Variants in INPP4B observed in about 807,000 individuals in gnomAD.
INPP4B encodes the protein inositol polyphosphate-4-phosphatase type II B.
In INPP4B, 55 loss-of-function variants were observed where a neutral mutation model predicts 122.5. That is an observed-to-expected ratio of 0.45 (90% CI 0.36 to 0.56). INPP4B has a LOEUF of 0.56. INPP4B is among the 20% of genes least tolerant of loss of function. INPP4B has a pLI of 0.00. For synonymous variants in INPP4B, 403 were observed against 388.7 expected (o/e 1.04, Z -0.43); for missense variants, 1,000 against 1,097.7 (o/e 0.91, Z 1.26).
chr4:142,330,910 G>A (rs1774216632), intron 7 of INPP4B, among the ~76,000 whole-genome samples: 1 of 152,168 alleles, frequency 6.6e-6, no homozygotes. Context: ...ACTAAGCAAT[G>A]TCCATTCACA....
At chr4:142,405,772 A>G (rs1803200952) in intron 5 of INPP4B, among the ~76,000 whole-genome samples, 1 of 152,102 alleles carries the variant, frequency 6.6e-6, no homozygotes, top group Non-Finnish European at 1.5e-5. Flanking sequence ...GTCCTTACCT[A>G]TGTATTCACT....
In INPP4B at chr4:142,588,789, A is replaced by C. The variant is rs143220096; in HGVS notation, c.-190-126063T>G. On this transcript the variant is annotated intron_variant, in intron 2 of 25. Coordinates refer to ENST00000262992, the MANE Select transcript of INPP4B (RefSeq NM_001101669.3). ...TCTCAAATAGGTCTATAGATTAAAC[A>C]AAACCCCAAAAATCTCAGCAATTAA... is the stretch of plus-strand genomic sequence containing the variant. Among the ~76,000 whole-genome samples, 1,304 of 151,982 alleles carry C rather than the reference A, an allele frequency of 8.6e-3. 15 individuals are homozygous for C. The highest frequency in any genetic ancestry group is 0.028 in the African/African-American group (1,149 of 41,560).
At chr4:142,761,100 T>A (rs1771268771) in intron 1 of INPP4B, among the ~76,000 whole-genome samples, 1 of 152,148 alleles carries the variant, frequency 6.6e-6, no homozygotes, top group African/African-American at 2.4e-5. Context: ...GTAGCATCCA[T>A]TATCTTCCCA....
chr4:142,545,927 T>C (rs1829593680), intron 2 of INPP4B, among the ~76,000 whole-genome samples: 1 of 151,822 alleles, frequency 6.6e-6, no homozygotes, highest in Non-Finnish European at 1.5e-5. Context: ...TTCTTTTTTA[T>C]ACATTTTTTT....
At chr4:142,327,855 A>G (rs1466263557) in intron 7 of INPP4B, among the ~76,000 whole-genome samples, 3 of 152,240 alleles carry the variant, frequency 2.0e-5, no homozygotes, top group African/African-American at 7.2e-5. Flanking sequence ...TTCCCAGGTT[A>G]TGTGGCTAGT....
chr4:142,057,550 T>C (rs1758340850), intron 25 of INPP4B, among the ~76,000 whole-genome samples: 1 of 152,100 alleles, frequency 6.6e-6, no homozygotes, highest in Admixed American at 6.6e-5. Context: ...GGTATGAACA[T>C]TAACAAAGAC....
chr4:142,338,523 C>A (rs1579782396), intron 7 of INPP4B, among the ~76,000 whole-genome samples: 4 of 152,160 alleles, frequency 2.6e-5, no homozygotes, highest in African/African-American at 9.7e-5. Flanking sequence ...CAGGCGTGAG[C>A]CACCAGGCAA....
intron 2 of INPP4B, among the ~76,000 whole-genome samples, chr4:142,616,144 G>T (rs116762800): frequency 0.034 from 5,161 of 152,130 alleles, 132 homozygotes; most frequent in Middle Eastern, 0.051. Flanking sequence ...TGCAGATAAA[G>T]CCCCCCAACC....
chr4:142,414,730 G>A (rs1389826880), intron 5 of INPP4B, among the ~76,000 whole-genome samples: 2 of 152,084 alleles, frequency 1.3e-5, no homozygotes, highest in Non-Finnish European at 2.9e-5. Context: ...GTCTGTGCCC[G>A]CATCTTTTCT....
chr4:142,485,953 TG>T, intron 2 of INPP4B, among the ~76,000 whole-genome samples: 1 of 152,266 alleles, frequency 6.6e-6, no homozygotes, highest in East Asian at 1.9e-4. Context: ...GACTGAGATC[TG>T]GCTGACAGAG....
intron 2 of INPP4B, among the ~76,000 whole-genome samples, chr4:142,627,150 C>A (rs1746631303): frequency 6.6e-6 from 1 of 152,082 alleles, no homozygotes; most frequent in African/African-American, 2.4e-5. Context: ...GTCAACTGCA[C>A]CACCTTAAGA....
chr4:142,526,375 T>C (rs1266199584), intron 2 of INPP4B, among the ~76,000 whole-genome samples: 3 of 152,076 alleles, frequency 2.0e-5, no homozygotes, highest in African/African-American at 7.2e-5. Flanking sequence ...TTCTCCACAG[T>C]ATTTCTTTAG....
chr4:142,685,866 T>G (rs1182077080), intron 2 of INPP4B, among the ~76,000 whole-genome samples: 1 of 152,132 alleles, frequency 6.6e-6, no homozygotes, highest in African/African-American at 2.4e-5. Context: ...TCTATAAAAA[T>G]TATACATGGC....
chr4:142,606,477 C>A (rs1399214594), intron 2 of INPP4B, among the ~76,000 whole-genome samples: 1 of 151,878 alleles, frequency 6.6e-6, no homozygotes, highest in African/African-American at 2.4e-5. Flanking sequence ...CTGACTTGAT[C>A]ATTACACATT....
intron 25 of INPP4B, among the ~76,000 whole-genome samples, chr4:142,033,508 T>C (rs1285109296): frequency 6.6e-6 from 1 of 152,148 alleles, no homozygotes; most frequent in Non-Finnish European, 1.5e-5. Context: ...TCTCCTTCAC[T>C]GATCATTAGT....
At chr4:142,248,281 G>A (rs141413624) in intron 11 of INPP4B, among the ~76,000 whole-genome samples, 351 of 148,792 alleles carry the variant, frequency 2.4e-3, no homozygotes, top group African/African-American at 8.0e-3. Flanking sequence ...AAAAGCACCC[G>A]TTCCTCCCCC....
chr4:142,397,683 A>C (rs10006884), intron 7 of INPP4B, among the ~76,000 whole-genome samples: 80,648 of 151,256 alleles, frequency 0.53, 24,126 homozygotes, highest in South Asian at 0.78. Flanking sequence ...ACTAAAATAC[A>C]AAAAAATTAG....
intron 2 of INPP4B, among the ~76,000 whole-genome samples, chr4:142,643,451 G>C (rs1750996434): frequency 6.6e-6 from 1 of 152,110 alleles, no homozygotes; most frequent in African/African-American, 2.4e-5. Context: ...TACATTTAAG[G>C]AGGGGAGCAA....
At chr4:142,545,821 G>GTGTA (rs1174798411) in intron 2 of INPP4B, among the ~76,000 whole-genome samples, 1 of 111,922 alleles carries the variant, frequency 8.9e-6, no homozygotes, top group Non-Finnish European at 1.7e-5. Flanking sequence ...ATACATGTGT[G>GTGTA]TATATATATA....
Sources: allele counts gnomAD v4.1 joint callset (sites outside exome capture counted in the v4.1 genomes callset), GRCh38; gene constraint gnomAD v4.1.1; transcripts MANE v1.5; gene names NCBI Gene and HGNC (gene_info 2026-07-23, HGNC 2026-07-21).